DCC: variants seen among roughly 807,000 people sequenced by gnomAD.
The protein encoded by DCC is netrin receptor DCC.
In DCC, 58 loss-of-function variants were observed where a neutral mutation model predicts 172.5. The ratio of observed to expected loss-of-function variants is 0.34; its 90% CI spans 0.27 to 0.42. The LOEUF (loss-of-function observed/expected upper bound fraction) is 0.42, where lower values mean the gene tolerates loss of function less well. DCC is among the 10% of genes least tolerant of loss of function. The pLI is 1.00. For synonymous variants in DCC, 709 were observed against 644.5 expected, an observed-to-expected ratio of 1.10 and a Z score of -1.52; for missense variants, 1,740 against 1,791.0, an observed-to-expected ratio of 0.97 and a Z score of 0.51.
chr18:52,994,476 T>G (rs548338863), intron 5 of DCC, among the ~76,000 whole-genome samples: 9 of 152,224 alleles, frequency 5.9e-5, no homozygotes, highest in Non-Finnish European at 1.0e-4. Flanking sequence ...AGGCTTATAT[T>G]TTATGCTCAG....
intron 1 of DCC, among the ~76,000 whole-genome samples, chr18:52,415,467 C>T (rs1488192187): frequency 1.3e-5 from 2 of 152,174 alleles, no homozygotes; most frequent in African/African-American, 4.8e-5. Context: ...AACAGCAAGG[C>T]ACTGTGTAAA....
chr18:53,246,076 C>T (rs537787644), intron 12 of DCC, among the ~76,000 whole-genome samples: 15 of 152,126 alleles, frequency 9.9e-5, no homozygotes, highest in African/African-American at 3.4e-4. Flanking sequence ...CTGAGACTTG[C>T]AATCATCATG....
chr18:52,995,814 C>G (rs1403340318), intron 5 of DCC, among the ~76,000 whole-genome samples: 3 of 151,974 alleles, frequency 2.0e-5, no homozygotes, highest in Non-Finnish European at 1.5e-5. Flanking sequence ...TTAGCAAACC[C>G]AAATGGCCTA....
intron 1 of DCC, among the ~76,000 whole-genome samples, chr18:52,390,833 G>T (rs2144348469): frequency 6.6e-6 from 1 of 152,142 alleles, no homozygotes; most frequent in Admixed American, 6.5e-5. Context: ...ATTGTTAGTT[G>T]TATTCATTAT....
intron 12 of DCC, among the ~76,000 whole-genome samples, chr18:53,291,303 T>C (rs2057002253): frequency 1.3e-5 from 2 of 152,304 alleles, no homozygotes; most frequent in South Asian, 4.1e-4. Context: ...GTCACAATTA[T>C]TTTATCATGA....
rs1176806864 is a variant in DCC at position 52,444,542 on chromosome 18, T to A, written c.91+103664T>A. Among the ~76,000 whole-genome samples the A allele has an allele frequency of 3.3e-5, 5 of 152,336 alleles. No individual in the cohort carries two copies. The East Asian group carries it at 7.7e-4, about 24-fold the overall frequency. Reference sequence around the variant, plus strand: ...ACAAAAGCACACAAGAATCTCTTTTTTTCAATAATACAAATTTAACATGTT... The same window carrying A: ...ACAAAAGCACACAAGAATCTCTTTTATTCAATAATACAAATTTAACATGTT... On this transcript the variant is annotated intron_variant, in intron 1 of 28. Coordinates refer to ENST00000442544, the MANE Select transcript of DCC (RefSeq NM_005215.4).
intron 5 of DCC, among the ~76,000 whole-genome samples, chr18:52,979,746 A>T (rs1192357366): frequency 6.6e-6 from 1 of 152,238 alleles, no homozygotes; most frequent in Non-Finnish European, 1.5e-5. Flanking sequence ...AATGGGTAAC[A>T]TATCCAGTCA....
At chr18:52,814,287 C>G (rs1174082707) in intron 2 of DCC, among the ~76,000 whole-genome samples, 1 of 152,134 alleles carries the variant, frequency 6.6e-6, no homozygotes, top group African/African-American at 2.4e-5. Flanking sequence ...TGGGATAGGG[C>G]CTATACATAG....
intron 2 of DCC, among the ~76,000 whole-genome samples, chr18:52,761,345 G>C (rs1319167631): frequency 6.6e-6 from 1 of 152,160 alleles, no homozygotes; most frequent in Non-Finnish European, 1.5e-5. Flanking sequence ...TTCAAGATTA[G>C]ATTTTGGTTG....
intron 7 of DCC, among the ~76,000 whole-genome samples, chr18:53,152,485 T>C (rs2054656608): frequency 6.6e-6 from 1 of 152,170 alleles, no homozygotes. Flanking sequence ...TTTTTTGGCT[T>C]CAAAACTATG....
At chr18:53,529,052 A>T (rs1386707485) in intron 28 of DCC, among the ~76,000 whole-genome samples, 53 of 148,406 alleles carry the variant, frequency 3.6e-4, no homozygotes, top group African/African-American at 8.8e-4. Flanking sequence ...ACACACACAC[A>T]CACACACACA....
Position 52,642,046 on chromosome 18 carries a change from ACTGTGGTGTGTG to A in DCC, c.92-110007_92-109996del, listed in dbSNP as rs1474465603. ...TATATATATATATATATATATATATACTGTGGTGTGTGTGTGTATATATATATATATATACAC... is the reference window on the plus strand; with the variant it reads ...TATATATATATATATATATATATATATGTGTATATATATATATATATACAC... On this transcript the variant is annotated intron_variant, in intron 1 of 28. Coordinates refer to ENST00000442544, the MANE Select transcript of DCC (RefSeq NM_005215.4). Among the ~76,000 whole-genome samples, 55 of 16,316 alleles carry A rather than the reference ACTGTGGTGTGTG, an allele frequency of 3.4e-3. 2 individuals carry two copies. Among genetic ancestry groups the A allele is most frequent in the Admixed American group, 6.2e-3 (6 of 962 alleles). 10.7% of individuals were successfully genotyped at this position (16,316 alleles called of 152,430 possible).
intron 15 of DCC, among the ~76,000 whole-genome samples, chr18:53,346,987 T>A (rs2057733716): frequency 6.6e-6 from 1 of 152,194 alleles, no homozygotes; most frequent in Non-Finnish European, 1.5e-5. Context: ...TTCACAGCAA[T>A]TAAAATCTTG....
intron 27 of DCC, among the ~76,000 whole-genome samples, chr18:53,501,088 A>AAGGAAACAGACCTTG (rs1245929987): frequency 2.0e-5 from 3 of 152,164 alleles, no homozygotes. Flanking sequence ...AGCACAACCC[A>AAGGAAACAGACCTTG]AGGAAACAGA....
intron 15 of DCC, among the ~76,000 whole-genome samples, chr18:53,359,882 T>C (rs780691404): frequency 1.3e-5 from 2 of 152,222 alleles, no homozygotes; most frequent in Admixed American, 6.5e-5. Flanking sequence ...GACTTATCCA[T>C]CTTCGAGGCT....
chr18:52,911,616 A>G (rs2039971566), intron 3 of DCC, among the ~76,000 whole-genome samples: 1 of 151,970 alleles, frequency 6.6e-6, no homozygotes, highest in South Asian at 2.1e-4. Context: ...ATGATTGGGC[A>G]TTGCTGAAGG....
At chr18:52,454,970 C>T (rs1196087679) in intron 1 of DCC, among the ~76,000 whole-genome samples, 1 of 152,130 alleles carries the variant, frequency 6.6e-6, no homozygotes, top group Admixed American at 6.6e-5. Context: ...TGCATTAGTG[C>T]AATTGTTTCC....
At chr18:53,171,508 A>C (rs2144444982) in intron 8 of DCC, among the ~76,000 whole-genome samples, 1 of 152,344 alleles carries the variant, frequency 6.6e-6, no homozygotes, top group Admixed American at 6.5e-5. Flanking sequence ...CATATCAATG[A>C]ATATGTTTAT....
intron 1 of DCC, among the ~76,000 whole-genome samples, chr18:52,717,754 T>C (rs1031614606): frequency 1.3e-5 from 2 of 152,202 alleles, no homozygotes; most frequent in Non-Finnish European, 1.5e-5. Flanking sequence ...GACATATTTA[T>C]TTAACTGTCT....
Sources: gnomAD v4.1 joint callset for allele counts (sites outside exome capture counted in the v4.1 genomes callset) on GRCh38, gnomAD v4.1.1 for gene constraint, MANE v1.5 for transcripts, NCBI Gene and HGNC (gene_info 2026-07-23, HGNC 2026-07-21) for gene names.